SHPRH: variants seen among roughly 807,000 people sequenced by gnomAD.
SHPRH encodes the protein E3 ubiquitin-protein ligase SHPRH.
SHPRH carries 106 observed loss-of-function variants against 202.5 expected under a neutral mutation model. The ratio of observed to expected loss-of-function variants is 0.52; its 90% CI spans 0.45 to 0.62. SHPRH has a LOEUF of 0.62. SHPRH is among the 20% of genes least tolerant of loss of function. SHPRH has a pLI of 0.00. For synonymous variants in SHPRH, 729 were observed against 686.0 expected (o/e 1.06, Z -0.98); for missense variants, 1,710 against 2,020.0 (o/e 0.85, Z 2.94).
chr6:145,941,885 A>T lies in SHPRH; in HGVS notation c.2239-11T>A, dbSNP rs1301952141. On this transcript the variant is annotated splice_polypyrimidine_tract_variant and intron_variant, in intron 9 of 29. Coordinates refer to ENST00000275233, the MANE Select transcript of SHPRH (RefSeq NM_001042683.3). Reference sequence around the variant, plus strand: ...CACTCCTTGATATACCTAGGAAATAATCAATACAGGCAGTTATTGCAAAAA... The same window carrying T: ...CACTCCTTGATATACCTAGGAAATATTCAATACAGGCAGTTATTGCAAAAA... The T allele has an allele frequency of 9.3e-6, 15 of 1,612,222 alleles. No individual in the cohort carries two copies. The highest frequency in any genetic ancestry group is 1.3e-5 in the Non-Finnish European group (15 of 1,179,030).
At chr6:145,862,181 G>T (rs902565611), downstream of SHPRH, among the ~76,000 whole-genome samples, 1 of 152,128 alleles carries the variant, frequency 6.6e-6, no homozygotes, top group Non-Finnish European at 1.5e-5. Context: ...CAAAAAGAAG[G>T]CCGGGCACGG....
chr6:145,950,574 C>A, intron 3 of SHPRH, 92 bp from the exon 4 acceptor site: 1 of 1,187,156 alleles, frequency 8.4e-7, no homozygotes, highest in Non-Finnish European at 1.2e-6. Flanking sequence ...TGAACTTGCC[C>A]AACTCTGGGG....
intron 20 of SHPRH, among the ~76,000 whole-genome samples, chr6:145,921,678 A>G (rs1784442301): frequency 6.6e-6 from 1 of 152,040 alleles, no homozygotes; most frequent in Non-Finnish European, 1.5e-5. Flanking sequence ...ATGTGAGGAA[A>G]ATTTCTATTT....
chr6:145,942,430 A>G (rs1786888971), intron 9 of SHPRH, among the ~76,000 whole-genome samples: 1 of 152,194 alleles, frequency 6.6e-6, no homozygotes, highest in Admixed American at 6.5e-5. Context: ...TAAGACTCAA[A>G]GCTTTGCCTA....
chr6:145,921,427 G>A (rs748773775), intron 20 of SHPRH, 35 bp from the exon 21 acceptor site: 172 of 1,586,156 alleles, frequency 1.1e-4, no homozygotes, highest in Non-Finnish European at 1.4e-4. Context: ...ACAGTAACTG[G>A]TATCAGTGAG....
intron 1 of SHPRH, among the ~76,000 whole-genome samples, chr6:145,957,866 T>C (rs1461508233): frequency 1.3e-5 from 2 of 152,132 alleles, no homozygotes; most frequent in Non-Finnish European, 1.5e-5. Context: ...TCCACAAAAA[T>C]TTAAACTTGA....
downstream of SHPRH, among the ~76,000 whole-genome samples, chr6:145,863,785 C>A (rs1158920752): frequency 6.6e-6 from 1 of 152,158 alleles, no homozygotes; most frequent in Non-Finnish European, 1.5e-5. Flanking sequence ...GGGTAAATTT[C>A]ACAAGCAGCA....
rs369914151 is a variant in SHPRH at position 145,943,370 on chromosome 6, G to A, written c.2011C>T (p.Arg671Cys). The change falls in exon 9 of 30, where the codon CGT (arginine) becomes TGT (cysteine). Residue 671 changes from arginine to cysteine, a missense_variant. Around this residue, in one of 8 missense-constraint regions of SHPRH, gnomAD observed 348 missense variants for 356.9 expected, o/e 0.97. Transcript: ENST00000275233. Reference protein sequence around the residue: ...CICGELDQIDRKPRVQCLKCH... With the variant: ...CICGELDQIDCKPRVQCLKCH... ...TTCAGGCATTGAACACGAGGCTTAC[G>A]ATCTATCTGATCAAGTTCACCACAT... 11 of 1,613,832 alleles carry A rather than the reference G, an allele frequency of 6.8e-6. No homozygotes were observed. The highest frequency in any genetic ancestry group is 1.6e-4 in the Middle Eastern group (1 of 6,080).
chr6:145,924,409 T>C (rs1784687717), intron 17 of SHPRH, among the ~76,000 whole-genome samples: 1 of 151,912 alleles, frequency 6.6e-6, no homozygotes, highest in Non-Finnish European at 1.5e-5. Context: ...TGTATTAACA[T>C]TTTAAAACAT....
At chr6:145,870,157 G>C (rs1779990678) in intron 2 of SHPRH, among the ~76,000 whole-genome samples, 1 of 150,726 alleles carries the variant, frequency 6.6e-6, no homozygotes, top group African/African-American at 2.4e-5. Context: ...GTTCATTGCT[G>C]GTATATAGAA....
At chr6:145,946,765 T>C (rs932399121) in intron 6 of SHPRH, among the ~76,000 whole-genome samples, 3 of 151,970 alleles carry the variant, frequency 2.0e-5, no homozygotes, top group Non-Finnish European at 2.9e-5. Flanking sequence ...AATTTTCTAC[T>C]CAAATCTGAA....
chr6:145,913,544 T>G lies in SHPRH; in HGVS notation c.4260A>C (p.Gln1420His), dbSNP rs1158459047. The G allele has an allele frequency of 6.2e-7, 1 of 1,606,760 alleles. No homozygotes were observed. Among genetic ancestry groups the G allele is most frequent in the South Asian group, 1.1e-5 (1 of 89,400 alleles). Residue 1420 changes from glutamine to histidine, a missense_variant, in exon 24 of 30, where the codon CAA becomes CAC. Gln to His is a conservative substitution (Grantham distance 24). Transcript: ENST00000275233. ...LLYLTNLEKS[Q>H]DKTSGGVNPE... is the part of the protein sequence containing the mutation. ...GATTAACACCTCCCGATGTTTTATC[T>G]TGAGACTATCCAAAAAAGAATTAAA... is the stretch of plus-strand genomic sequence containing the variant.
In SHPRH at chr6:145,945,598, T is replaced by C. The variant is rs778532254; in HGVS notation, c.1361A>G (p.Asn454Ser). 3.0e-5 allele frequency: 48 copies of C among 1,612,360 alleles called. No homozygotes were observed. Among genetic ancestry groups the C allele is most frequent in the Non-Finnish European group, 4.0e-5 (47 of 1,179,366 alleles). Reference protein sequence around the residue: ...VMILTAVKEMNGKKGVSILSI... With the variant: ...VMILTAVKEMSGKKGVSILSI... ...AAGGATGGACACTCCTTTTTTTCCATTCATTTCTTTCACAGCTGTCAGTAT... is the reference window on the plus strand; with the variant it reads ...AAGGATGGACACTCCTTTTTTTCCACTCATTTCTTTCACAGCTGTCAGTAT... The change falls in exon 8 of 30, where the codon AAT becomes AGT. Residue 454 changes from asparagine (N) to serine (S), a missense_variant. This residue lies in a region of SHPRH where 348 missense variants were observed against 356.9 expected (regional missense o/e 0.97). Transcript: ENST00000275233.
Position 145,955,368 on chromosome 6 carries a change from G to A in SHPRH, c.-32-14C>T, listed in dbSNP as rs1020971375. The stretch of plus-strand genomic sequence containing the variant: ...TAACTGTGAACTCTAGAGGACAAAT[G>A]AAACAACAGGAGGTATAACAAGAGA... On this transcript the variant is annotated splice_polypyrimidine_tract_variant and intron_variant, in intron 1 of 29. Transcript: ENST00000275233. 1.3e-6 allele frequency: 2 copies of A among 1,545,346 alleles called. No individual in the cohort carries two copies. Among genetic ancestry groups the A allele is most frequent in the Non-Finnish European group, 1.7e-6 (2 of 1,152,498 alleles).
chr6:145,919,393 C>A lies in SHPRH; in HGVS notation c.4107G>T (p.Glu1369Asp). 6.2e-7 allele frequency: 1 copy of A among 1,613,216 alleles called. No homozygotes were observed. Among genetic ancestry groups the A allele is most frequent in the Non-Finnish European group, 8.5e-7 (1 of 1,179,420 alleles). Residue 1369 changes from glutamate to aspartate, a missense_variant, in exon 22 of 30, where the codon GAG becomes GAT. Physicochemically the swap from Glu to Asp is conservative, Grantham distance 45 (BLOSUM62 2). Transcript: ENST00000275233. ...TERLRVRDPR[E>D]PKPNPPVLHI... ...GAAGAACAGGCGGATTAGGCTTTGG[C>A]TCCCTAGGATCACGCACTCTTAGTC...
At chr6:145,942,458 T>C (rs1040222425) in intron 9 of SHPRH, among the ~76,000 whole-genome samples, 2 of 152,156 alleles carry the variant, frequency 1.3e-5, no homozygotes, top group African/African-American at 4.8e-5. Flanking sequence ...AGAATAGAGC[T>C]TCTTAACAGC....
intron 25 of SHPRH, among the ~76,000 whole-genome samples, chr6:145,897,617 T>C (rs140564471): frequency 6.6e-6 from 1 of 152,188 alleles, no homozygotes; most frequent in East Asian, 1.9e-4. Flanking sequence ...GATGAAAACA[T>C]GCAAAAATCC....
chr6:145,941,442 T>C (rs752093241), intron 10 of SHPRH, among the ~76,000 whole-genome samples, 181 bp downstream of exon 10: 1 of 152,196 alleles, frequency 6.6e-6, no homozygotes, highest in Admixed American at 6.5e-5. Context: ...ACAGAACTAA[T>C]TTCAAAGGGT....
intron 2 of SHPRH, among the ~76,000 whole-genome samples, chr6:145,867,934 A>C (rs1779880173): frequency 6.6e-6 from 1 of 152,038 alleles, no homozygotes; most frequent in African/African-American, 2.4e-5. Context: ...TAGACTAAAA[A>C]CAAAACAAAA....
Sources: gnomAD v4.1 joint callset for allele counts (sites outside exome capture counted in the v4.1 genomes callset) on GRCh38, gnomAD v4.1.1 for gene constraint, gnomAD v4.1.1 regional missense constraint, MANE v1.5 for transcripts, NCBI Gene and HGNC (gene_info 2026-07-23, HGNC 2026-07-21) for gene names.